The following NAV2 variants were observed in gnomAD, a reference collection of about 807,000 sequenced individuals.
The protein encoded by NAV2 is neuron navigator 2.
A neutral mutation model predicts 223.2 loss-of-function variants in NAV2; 54 were observed. That is an observed-to-expected ratio of 0.24 (90% CI 0.19 to 0.30). The LOEUF (loss-of-function observed/expected upper bound fraction) is 0.30. Ranked by LOEUF, NAV2 falls within the 10% of genes least tolerant of loss-of-function variation. NAV2 has a pLI of 1.00. For synonymous variants in NAV2, 1,279 were observed against 1,239.3 expected, an observed-to-expected ratio of 1.03 and a Z score of -0.67; for missense variants, 2,806 against 3,147.5, an observed-to-expected ratio of 0.89 and a Z score of 2.60.
intron 10 of NAV2, among the ~76,000 whole-genome samples, chr11:19,959,156 C>T (rs1325213908): frequency 6.6e-6 from 1 of 152,056 alleles, no homozygotes; most frequent in Non-Finnish European, 1.5e-5. Flanking sequence ...TAGCACCCAC[C>T]CTGTGCTCCC....
chr11:19,455,420 A>G (rs1410498967), intron 1 of NAV2, among the ~76,000 whole-genome samples: 1 of 152,182 alleles, frequency 6.6e-6, no homozygotes, highest in Non-Finnish European at 1.5e-5. Context: ...TTAGGCCACT[A>G]TATGCTCTCA....
At chr11:19,354,284 G>A (rs1853489597) in intron 1 of NAV2, among the ~76,000 whole-genome samples, 1 of 152,242 alleles carries the variant, frequency 6.6e-6, no homozygotes, top group Admixed American at 6.5e-5. Context: ...TGATGGAAAT[G>A]TTCTATTCGT....
rs186320460 is a variant in NAV2, at chr11:19,411,956, C to T, written c.75+60929C>T. ...GGCTCAAAGTGGTGAAGTCATCTGCCCAAGGTCACACAGCTCATGCTATAG... is the reference window on the plus strand; with the variant it reads ...GGCTCAAAGTGGTGAAGTCATCTGCTCAAGGTCACACAGCTCATGCTATAG... On this transcript the variant is annotated intron_variant, in intron 1 of 37. Transcript: ENST00000360655. Among the ~76,000 whole-genome samples, 3 of 152,202 alleles carry T rather than the reference C, an allele frequency of 2.0e-5. No individual in the cohort carries two copies. The East Asian group carries it at 5.8e-4, about 29-fold the overall frequency.
rs554371786 is a variant in NAV2, at chr11:20,119,418, G to A, written c.*1160G>A. The A allele has an allele frequency of 3.9e-5, 6 of 152,590 alleles. No individual in the cohort carries two copies. Among genetic ancestry groups the A allele is most frequent in the Admixed American group, 1.3e-4 (2 of 15,282 alleles). The allele number at this position is 152,590 out of a possible 1,614,324, so 9.5% of individuals were successfully genotyped here. On this transcript the variant is annotated 3_prime_UTR_variant, in exon 38 of 38. Transcript: ENST00000349880. ...GCCATGGACCTTGCCTTCCCTTCTC[G>A]TCCTTGAGGGTTTAGAACACACACC... is the stretch of plus-strand genomic sequence containing the variant.
intron 18 of NAV2, among the ~76,000 whole-genome samples, chr11:20,055,284 T>C (rs936468738): frequency 2.0e-5 from 3 of 152,324 alleles, no homozygotes; most frequent in South Asian, 2.1e-4. Context: ...CTTCCTTGCA[T>C]TGAAACTCTT....
chr11:19,786,996 A>G (rs1001589537), intron 1 of NAV2, among the ~76,000 whole-genome samples: 1 of 152,182 alleles, frequency 6.6e-6, no homozygotes, highest in Non-Finnish European at 1.5e-5. Context: ...CTGCCTGGAC[A>G]GCATAACAAG....
chr11:19,778,303 T>C (rs1283761098), intron 1 of NAV2: 1 of 454,818 alleles, frequency 2.2e-6, no homozygotes. Context: ...TGTGGCCAAG[T>C]CGGTTAACCC....
intron 12 of NAV2, 46 bp downstream of exon 12, chr11:20,036,143 G>T (rs1038601368): frequency 5.6e-6 from 9 of 1,612,462 alleles, no homozygotes; most frequent in Non-Finnish European, 7.6e-6. Context: ...GCCTCTGGCA[G>T]CAGGGAACCT....
chr11:19,955,833 G>T (rs759523099), intron 10 of NAV2, among the ~76,000 whole-genome samples: 1 of 152,184 alleles, frequency 6.6e-6, no homozygotes, highest in Non-Finnish European at 1.5e-5. Context: ...GTTGTTTCTG[G>T]CAGACTGATA....
At chr11:19,587,573 G>A (rs1292435370) in intron 1 of NAV2, among the ~76,000 whole-genome samples, 2 of 152,126 alleles carry the variant, frequency 1.3e-5, no homozygotes, top group African/African-American at 4.8e-5. Flanking sequence ...AGGGCTTTTT[G>A]GTCCTCATAG....
Position 20,034,473 on chromosome 11 carries a change from G to C in NAV2, c.2769-1486G>C, listed in dbSNP as rs188296492. On this transcript the variant is annotated intron_variant, in intron 11 of 37. Coordinates refer to ENST00000349880, the MANE Select transcript of NAV2 (RefSeq NM_145117.5). ...CAGCTCACTGCAACCTCTGCCTCCC[G>C]GGTTCAAGCAATCATCCTGCCTCAG... Among the ~76,000 whole-genome samples, 11 of 151,324 alleles carry C rather than the reference G, an allele frequency of 7.3e-5. 1 individual carries two copies. In the East Asian group the frequency reaches 2.2e-3, roughly 30 times the overall value.
intron 1 of NAV2, among the ~76,000 whole-genome samples, chr11:19,548,976 T>C (rs1214835725): frequency 6.6e-6 from 1 of 152,190 alleles, no homozygotes; most frequent in Non-Finnish European, 1.5e-5. Context: ...CATTCCCTTC[T>C]TTTTGTCTGA....
intron 1 of NAV2, among the ~76,000 whole-genome samples, chr11:19,536,008 T>C (rs1371638791): frequency 6.6e-6 from 1 of 152,212 alleles, no homozygotes; most frequent in Non-Finnish European, 1.5e-5. Context: ...GCTCATAGGC[T>C]TCAACCCAGG....
chr11:19,493,365 A>G (rs1276508603), intron 1 of NAV2, among the ~76,000 whole-genome samples: 2 of 152,226 alleles, frequency 1.3e-5, no homozygotes, highest in Non-Finnish European at 2.9e-5. Flanking sequence ...GTAGGAATCT[A>G]TTGAAAAACT....
chr11:20,067,089 A>G (rs1015491730), intron 20 of NAV2, among the ~76,000 whole-genome samples: 2 of 152,196 alleles, frequency 1.3e-5, no homozygotes, highest in African/African-American at 4.8e-5. Flanking sequence ...CCAGCATGTA[A>G]GGGACAAAGA....
At chr11:20,069,114 GA>G (rs1381336317) in intron 22 of NAV2, among the ~76,000 whole-genome samples, 1 of 151,950 alleles carries the variant, frequency 6.6e-6, no homozygotes, top group African/African-American at 2.4e-5. Flanking sequence ...TTGAAAATAA[GA>G]AAAAAATTTT....
At chr11:19,724,599 G>T (rs1026278581) in intron 1 of NAV2, among the ~76,000 whole-genome samples, 1 of 152,244 alleles carries the variant, frequency 6.6e-6, no homozygotes, top group Non-Finnish European at 1.5e-5. Context: ...TTTGTGGATG[G>T]TATAAGTGTG....
chr11:19,671,249 T>C (rs985306182), intron 1 of NAV2, among the ~76,000 whole-genome samples: 3 of 152,370 alleles, frequency 2.0e-5, no homozygotes, highest in South Asian at 2.1e-4. Context: ...AAAAAACTTA[T>C]GACATTTAGC....
intron 1 of NAV2, among the ~76,000 whole-genome samples, chr11:19,514,246 A>G (rs1307853354): frequency 1.3e-5 from 2 of 152,106 alleles, no homozygotes; most frequent in South Asian, 4.1e-4. Flanking sequence ...TGCCTCTAGC[A>G]GGAAAATCTT....
Sources: gnomAD v4.1 joint callset for allele counts (sites outside exome capture counted in the v4.1 genomes callset) on GRCh38, gnomAD v4.1.1 for gene constraint, MANE v1.5 for transcripts, NCBI Gene and HGNC (gene_info 2026-07-23, HGNC 2026-07-21) for gene names.